The following TEX36 variants were observed in gnomAD, a reference collection of about 807,000 sequenced individuals.
The protein encoded by TEX36 is testis expressed 36, also known as testis-expressed protein 36.
Under a neutral mutation model 13.6 loss-of-function variants are expected in TEX36, and 12 were observed. The observed-to-expected ratio is 0.88, with a 90% confidence interval of 0.56 to 1.43. TEX36 has a LOEUF of 1.43. Ranked by LOEUF, TEX36 falls within the 40% of genes most tolerant of loss-of-function variation. The pLI is 0.00. For missense variants in TEX36, 224 were observed against 228.3 expected (o/e 0.98, Z 0.12); for synonymous variants, 93 against 83.0 (o/e 1.12, Z -0.65).
chr10:125,599,019 C>A (rs1250255726), intron 3 of TEX36, among the ~76,000 whole-genome samples: 1 of 152,120 alleles, frequency 6.6e-6, no homozygotes, highest in South Asian at 2.1e-4. Flanking sequence ...ACCTTGCCTG[C>A]CCCACTCCGT....
rs918581287 is a variant in TEX36 at position 125,588,854 on chromosome 10, G to T, written c.265-11980C>A. Among the ~76,000 whole-genome samples the T allele has an allele frequency of 2.6e-5, 4 of 152,274 alleles. No individual in the cohort carries two copies. In the South Asian group the frequency reaches 8.3e-4, roughly 32 times the overall value. ...TGGTCTCAAACTCCTGACCTCAAGT[G>T]ACCCACATGCCTTGGCCTCCCAAAG... On this transcript the variant is annotated intron_variant, in intron 3 of 3. Coordinates refer to the TEX36 transcript ENST00000532135.
In TEX36 at chr10:125,597,131, A is replaced by C. The variant is rs138161668; in HGVS notation, c.265-20257T>G. Among the ~76,000 whole-genome samples, 120 of 152,338 alleles carry C rather than the reference A, an allele frequency of 7.9e-4. 1 individual carries two copies. The Middle Eastern group carries it at 0.014, about 17-fold the overall frequency. On this transcript the variant is annotated intron_variant, in intron 3 of 3. Transcript: ENST00000532135. ...GTGACTGTTGACTTCACCATCGCTTAGAGCTGCAAAGTGCTTACACTACCC... is the reference window on the plus strand; with the variant it reads ...GTGACTGTTGACTTCACCATCGCTTCGAGCTGCAAAGTGCTTACACTACCC...
intron 3 of TEX36, among the ~76,000 whole-genome samples, chr10:125,588,508 A>G (rs2133529887): frequency 6.6e-6 from 1 of 152,312 alleles, no homozygotes; most frequent in South Asian, 2.1e-4. Flanking sequence ...GCTTCCACTC[A>G]TGGTGAAAGG....
In TEX36 at chr10:125,637,200, G is replaced by A. The variant is rs573548950; in HGVS notation, c.265-15555C>T. Among the ~76,000 whole-genome samples, 33 of 151,906 alleles carry A rather than the reference G, an allele frequency of 2.2e-4. No individual in the cohort carries two copies. The South Asian group carries it at 5.4e-3, about 25-fold the overall frequency. On this transcript the variant is annotated intron_variant, in intron 3 of 3. Transcript: ENST00000526819. Reference sequence around the variant, plus strand: ...GGTAGACACCTGTGGTCTCAACTACGTGGGTGGCTGAGGTGGGAGGATCAC... The same window carrying A: ...GGTAGACACCTGTGGTCTCAACTACATGGGTGGCTGAGGTGGGAGGATCAC...
At chr10:125,665,711 TTTTAAGATTGTTTTTTC>T (rs768237883) in intron 1 of TEX36, among the ~76,000 whole-genome samples, 67 of 152,190 alleles carry the variant, frequency 4.4e-4, no homozygotes, top group Non-Finnish European at 8.7e-4. Context: ...TCCATATGAA[TTTTAAGATTGTTTTTTC>T]TAATTCTGTG....
chr10:125,643,225 C>T (rs954932041), intron 3 of TEX36, among the ~76,000 whole-genome samples: 5 of 152,158 alleles, frequency 3.3e-5, no homozygotes, highest in Non-Finnish European at 5.9e-5. Context: ...GCTGGGAGCC[C>T]CTACCCAGAA....
chr10:125,615,630 A>C (rs1846347359), intron 3 of TEX36, among the ~76,000 whole-genome samples: 1 of 150,916 alleles, frequency 6.6e-6, no homozygotes, highest in Non-Finnish European at 1.5e-5. Context: ...CCAGGGATGA[A>C]GCCCACTTGA....
intron 3 of TEX36, among the ~76,000 whole-genome samples, chr10:125,590,395 T>A (rs1042376693): frequency 6.6e-6 from 1 of 152,116 alleles, no homozygotes; most frequent in African/African-American, 2.4e-5. Flanking sequence ...GGATAACAGA[T>A]GTGAACCACC....
chr10:125,618,441 A>G (rs1346581087), downstream of TEX36, among the ~76,000 whole-genome samples: 14 of 152,014 alleles, frequency 9.2e-5, no homozygotes, highest in Admixed American at 9.2e-4. Flanking sequence ...GTCTTTGATG[A>G]TGGTGATGTT....
chr10:125,678,095 A>G (rs1362408896), intron 1 of TEX36, among the ~76,000 whole-genome samples: 1 of 151,962 alleles, frequency 6.6e-6, no homozygotes, highest in Non-Finnish European at 1.5e-5. Context: ...TTGCTTTTTC[A>G]TGTTTATTCT....
chr10:125,663,548 T>C (rs1847078093), intron 1 of TEX36, among the ~76,000 whole-genome samples: 1 of 152,220 alleles, frequency 6.6e-6, no homozygotes, highest in Non-Finnish European at 1.5e-5. Context: ...CTCCCCATCC[T>C]CGCCAACATC....
intron 3 of TEX36, among the ~76,000 whole-genome samples, chr10:125,658,417 A>T (rs1004519135): frequency 6.6e-6 from 1 of 152,162 alleles, no homozygotes; most frequent in Non-Finnish European, 1.5e-5. Flanking sequence ...AAACTATATC[A>T]GGCAAAAAAA....
chr10:125,580,010 A>G (rs1042059840), intron 3 of TEX36, among the ~76,000 whole-genome samples: 92 of 152,254 alleles, frequency 6.0e-4, no homozygotes, highest in African/African-American at 2.1e-3. Context: ...GTTGGTCAAC[A>G]TGATTTAGAA....
chr10:125,637,163 G>A (rs917649137), intron 3 of TEX36, among the ~76,000 whole-genome samples: 1 of 151,980 alleles, frequency 6.6e-6, no homozygotes, highest in Non-Finnish European at 1.5e-5. Context: ...ATAAAAATTA[G>A]TCTGGCGTGG....
At chr10:125,645,363 T>C (rs1337403650) in intron 3 of TEX36, among the ~76,000 whole-genome samples, 1 of 152,198 alleles carries the variant, frequency 6.6e-6, no homozygotes, top group Non-Finnish European at 1.5e-5. Context: ...GGATTCATGG[T>C]TAATAGGTTA....
At chr10:125,615,348 C>A (rs1846342972) in intron 3 of TEX36, among the ~76,000 whole-genome samples, 1 of 152,138 alleles carries the variant, frequency 6.6e-6, no homozygotes, top group African/African-American at 2.4e-5. Flanking sequence ...AGAGTGCATC[C>A]CTGTCTTGTG....
intron 3 of TEX36, among the ~76,000 whole-genome samples, chr10:125,648,980 A>T (rs1034558121): frequency 1.3e-5 from 2 of 152,186 alleles, no homozygotes; most frequent in Non-Finnish European, 2.9e-5. Context: ...AGAAATAACA[A>T]AGCCTCCAAG....
At position 125,599,515 on chromosome 10, in the gene TEX36, A is replaced by G. The variant is rs560392765; in HGVS notation, c.265-22641T>C. On this transcript the variant is annotated intron_variant, in intron 3 of 3. Transcript: ENST00000532135. The stretch of plus-strand genomic sequence containing the variant: ...TCCTTTGTAACAGGTGTCTTTCAGT[A>G]TCATGTTCTTAGATTCCATGCATGC... Among the ~76,000 whole-genome samples the G allele has an allele frequency of 2.8e-4, 43 of 152,292 alleles. 1 individual carries two copies. Among genetic ancestry groups the G allele is most frequent in the African/African-American group, 9.9e-4 (41 of 41,546 alleles).
At chr10:125,620,280 A>G (rs1846413920), downstream of TEX36, among the ~76,000 whole-genome samples, 1 of 152,218 alleles carries the variant, frequency 6.6e-6, no homozygotes, top group African/African-American at 2.4e-5. Context: ...AATTATAATA[A>G]TAAAAATCTT....
Sources: gnomAD v4.1 joint callset for allele counts (sites outside exome capture counted in the v4.1 genomes callset) on GRCh38, gnomAD v4.1.1 for gene constraint, MANE v1.5 for transcripts, NCBI Gene and HGNC (gene_info 2026-07-23, HGNC 2026-07-21) for gene names.